The following MATN2 variants were observed in gnomAD, a reference collection of about 807,000 sequenced individuals.
MATN2 encodes the protein matrilin-2.
MATN2 carries 69 observed loss-of-function variants against 103.2 expected under a neutral mutation model. The observed-to-expected ratio is 0.67, with a 90% CI of 0.55 to 0.82. The LOEUF is 0.82. Ranked by LOEUF, MATN2 falls within the 40% of genes least tolerant of loss-of-function variation. The probability of loss-of-function intolerance (pLI) is 0.00; values close to 1 mark genes in which losing one functional copy is unlikely to be tolerated. For missense variants in MATN2, 1,023 were observed against 1,211.5 expected (o/e 0.84, Z 2.31); for synonymous variants, 429 against 450.2 (o/e 0.95, Z 0.60).
chr8:97,999,118 A>C (rs535477579), intron 7 of MATN2, among the ~76,000 whole-genome samples: 1 of 152,348 alleles, frequency 6.6e-6, no homozygotes, highest in South Asian at 2.1e-4. Context: ...TAACCAGCTT[A>C]TATTGCTTGG....
intron 5 of MATN2, among the ~76,000 whole-genome samples, chr8:97,973,171 G>A (rs746152947): frequency 3.9e-5 from 6 of 152,218 alleles, no homozygotes; most frequent in Non-Finnish European, 8.8e-5. Flanking sequence ...GTCTCCAGAA[G>A]CCTAGCAGTG....
chr8:97,877,452 G>A lies in MATN2; in HGVS notation c.-27+8165G>A, dbSNP rs1031274184. On this transcript the variant is annotated intron_variant, in intron 1 of 18. Transcript: ENST00000254898. ...AGATCGCGCCATTGCATTCCAGCCTGAGCAACGAGAGTGAAACTCAGTCTC... is the reference window on the plus strand; with the variant it reads ...AGATCGCGCCATTGCATTCCAGCCTAAGCAACGAGAGTGAAACTCAGTCTC... 6.0e-4 allele frequency among the ~76,000 whole-genome samples: 91 copies of A among 151,586 alleles called. 1 individual carries two copies. The highest frequency in any genetic ancestry group is 3.2e-3 in the Middle Eastern group (1 of 316).
At chr8:97,978,426 T>A (rs1008139172) in intron 5 of MATN2, among the ~76,000 whole-genome samples, 34 of 152,244 alleles carry the variant, frequency 2.2e-4, no homozygotes, top group African/African-American at 7.0e-4. Flanking sequence ...TTATTGTATA[T>A]AATTTCACCC....
In MATN2 at chr8:98,033,060, T is replaced by C. The variant is rs561257217; in HGVS notation, c.2600T>C (p.Ile867Thr). 8 of 1,609,160 alleles carry C rather than the reference T, an allele frequency of 5.0e-6. No homozygotes were observed. Among genetic ancestry groups the C allele is most frequent in the African/African-American group, 2.7e-5 (2 of 74,754 alleles). The change falls in exon 17 of 19, where the codon ATA becomes ACA. Residue 867 changes from isoleucine to threonine, a missense_variant. Coordinates refer to ENST00000254898, the MANE Select transcript of MATN2 (RefSeq NM_002380.5). ...QQPTESEPVT[I>T]NIQDLLSCSN... ...TTTACAGAATCTGAGCCAGTCACCA[T>C]AAATATCCAAGACCTACTTTCCTGT... is the stretch of plus-strand genomic sequence containing the variant.
intron 6 of MATN2, among the ~76,000 whole-genome samples, chr8:97,987,805 A>G (rs886505451): frequency 7.2e-5 from 11 of 152,142 alleles, no homozygotes; most frequent in African/African-American, 2.7e-4. Flanking sequence ...TTAGACATTC[A>G]AGAGAGAGGG....
chr8:97,903,461 TG>T (rs1357667674), intron 2 of MATN2, among the ~76,000 whole-genome samples: 5 of 152,228 alleles, frequency 3.3e-5, no homozygotes, highest in Non-Finnish European at 7.3e-5. Flanking sequence ...TTTTGTTTTT[TG>T]TTTTGTTTTT....
intron 1 of MATN2, among the ~76,000 whole-genome samples, chr8:97,870,186 T>C (rs1386641142): frequency 6.6e-6 from 1 of 152,066 alleles, no homozygotes; most frequent in Admixed American, 6.6e-5. Context: ...CTCATCTGTC[T>C]AATGAGGATG....
In MATN2 at chr8:98,021,280, A is replaced by T; in HGVS notation, c.1895A>T (p.Lys632Ile). ...AATAATGGGAATTCCTACATCTGCA[A>T]ATGCTCAGAGGGATTTGTTCTAGCT... ...CVNNGNSYIC[K>I]CSEGFVLAED... is the part of the protein sequence containing the mutation. Residue 632 changes from lysine to isoleucine, a missense_variant, in exon 13 of 19, where the codon AAA becomes ATA. Lys to Ile is a moderately radical substitution (Grantham distance 102, BLOSUM62 -3). Transcript: ENST00000254898. 10 of 1,613,712 alleles carry T rather than the reference A, an allele frequency of 6.2e-6. No homozygotes were observed. The highest frequency in any genetic ancestry group is 8.5e-6 in the Non-Finnish European group (10 of 1,179,666).
At position 98,008,624 on chromosome 8, in the gene MATN2, G is replaced by A. The variant is rs777969603; in HGVS notation, c.1573+1023G>A. ...ATGGGTTATCCATGTTATAGCTTTC[G>A]GTGGCTCCCTGCCCAGCTGCCTCCC... On this transcript the variant is annotated intron_variant, in intron 10 of 18. Transcript: ENST00000254898. Among the ~76,000 whole-genome samples the A allele has an allele frequency of 4.6e-5, 7 of 152,254 alleles. No individual in the cohort carries two copies. In the East Asian group the frequency reaches 9.6e-4, roughly 21 times the overall value.
At chr8:98,024,037 T>C (rs114640132) in intron 13 of MATN2, among the ~76,000 whole-genome samples, 6,134 of 151,950 alleles carry the variant, frequency 0.04, 402 homozygotes, top group African/African-American at 0.14. Context: ...CCGGGGCCTG[T>C]TGGGGGTAGT....
chr8:97,891,988 G>A (rs1212415286), intron 2 of MATN2, among the ~76,000 whole-genome samples: 1 of 151,962 alleles, frequency 6.6e-6, no homozygotes, highest in East Asian at 1.9e-4. Context: ...TGTAATCCCA[G>A]CACTTTGGGA....
At chr8:97,976,759 G>C (rs1489576219) in intron 5 of MATN2, among the ~76,000 whole-genome samples, 7 of 151,060 alleles carry the variant, frequency 4.6e-5, no homozygotes, top group African/African-American at 1.7e-4. Flanking sequence ...TTTGAGACAG[G>C]GTCTTGCTCT....
At chr8:97,881,567 C>A (rs192982784) in intron 1 of MATN2, among the ~76,000 whole-genome samples, 2 of 152,328 alleles carry the variant, frequency 1.3e-5, no homozygotes, top group East Asian at 1.9e-4. Flanking sequence ...TTAAAATATT[C>A]TTTCCATGTT....
chr8:97,905,813 C>G (rs1434161546), intron 2 of MATN2, among the ~76,000 whole-genome samples: 1 of 152,140 alleles, frequency 6.6e-6, no homozygotes, highest in Non-Finnish European at 1.5e-5. Flanking sequence ...CAGGCACACA[C>G]CATGCCTGGC....
rs770485137 is a variant in MATN2 at position 98,032,827 on chromosome 8, C to T, written c.2582-215C>T. Among the ~76,000 whole-genome samples the T allele has an allele frequency of 3.3e-5, 5 of 151,888 alleles. No individual in the cohort carries two copies. The East Asian group carries it at 7.7e-4, about 23-fold the overall frequency. The stretch of plus-strand genomic sequence containing the variant: ...GATTACAGACATGAGCCACTGTGCC[C>T]GGCTGTTTTTGTTTTGTTTTTTGTT... On this transcript the variant is annotated intron_variant, in intron 16 of 18. Coordinates refer to ENST00000254898, the MANE Select transcript of MATN2 (RefSeq NM_002380.5).
At chr8:97,945,761 A>C (rs1810735875) in intron 4 of MATN2, among the ~76,000 whole-genome samples, 1 of 149,634 alleles carries the variant, frequency 6.7e-6, no homozygotes. Context: ...GTATATTTGT[A>C]ATTTGTGTGG....
intron 10 of MATN2, among the ~76,000 whole-genome samples, chr8:98,012,988 G>C (rs1176697077): frequency 1.3e-5 from 2 of 152,216 alleles, no homozygotes; most frequent in African/African-American, 4.8e-5. Flanking sequence ...AACACTTGCT[G>C]AATGAATGGA....
intron 2 of MATN2, among the ~76,000 whole-genome samples, chr8:97,900,247 C>T (rs1311510738): frequency 6.6e-6 from 1 of 151,986 alleles, no homozygotes; most frequent in Non-Finnish European, 1.5e-5. Context: ...TTATTATAAG[C>T]CTACAGCCAG....
intron 13 of MATN2, among the ~76,000 whole-genome samples, chr8:98,022,124 G>A (rs1423501871): frequency 2.6e-5 from 4 of 152,170 alleles, no homozygotes; most frequent in Non-Finnish European, 1.5e-5. Context: ...GAGCCTGGCT[G>A]AATAAATTAA....
Sources: allele counts gnomAD v4.1 joint callset (sites outside exome capture counted in the v4.1 genomes callset), GRCh38; gene constraint gnomAD v4.1.1; transcripts MANE v1.5; gene names NCBI Gene and HGNC (gene_info 2026-07-23, HGNC 2026-07-21).